Variants in SIRPG observed in about 807,000 individuals in gnomAD.
SIRPG encodes the protein signal-regulatory protein gamma.
SIRPG carries 38 observed loss-of-function variants against 35.7 expected under a neutral mutation model. The observed-to-expected ratio is 1.06, with a 90% CI of 0.82 to 1.40. The LOEUF is 1.40. SIRPG is among the 40% of genes most tolerant of loss of function. The pLI is 0.00. For synonymous variants in SIRPG, 215 were observed against 190.4 expected (o/e 1.13, Z -1.06); for missense variants, 519 against 483.0 (o/e 1.07, Z -0.70).
chr20:1,672,917 C>T, the SIRPG span, among the ~76,000 whole-genome samples: 4 of 152,116 alleles, frequency 2.6e-5, no homozygotes, highest in African/African-American at 7.2e-5. Flanking sequence ...TAGTTAACTA[C>T]AAGAAACACA....
intron 2 of SIRPG, chr20:1,646,545 C>T (rs2091898859): frequency 6.6e-6 from 1 of 152,266 alleles, no homozygotes; most frequent in Non-Finnish European, 1.5e-5. Flanking sequence ...TGAGACCTGT[C>T]TTTTAGAAAC....
intron 2 of SIRPG, among the ~76,000 whole-genome samples, chr20:1,642,936 G>T (rs1568730637): frequency 6.6e-6 from 1 of 152,042 alleles, no homozygotes. Flanking sequence ...GCTAATAGTT[G>T]TTCTGTTAGT....
At chr20:1,667,116 C>T in the SIRPG span, among the ~76,000 whole-genome samples, 16 of 152,280 alleles carry the variant, frequency 1.1e-4, no homozygotes, top group Non-Finnish European at 1.5e-4. Flanking sequence ...AGGCTGATCT[C>T]AAACTCTTGG....
At chr20:1,669,372 C>T in the SIRPG span, among the ~76,000 whole-genome samples, 125 of 152,246 alleles carry the variant, frequency 8.2e-4, 1 homozygote, top group Non-Finnish European at 1.6e-3. Flanking sequence ...GAAATTTGCA[C>T]GTAGTAAATG....
intron 2 of SIRPG, among the ~76,000 whole-genome samples, chr20:1,645,070 T>G (rs1050604849): frequency 6.6e-5 from 10 of 152,140 alleles, no homozygotes; most frequent in Non-Finnish European, 1.3e-4. Context: ...TTTCAATGCT[T>G]TTTTAGATAC....
the SIRPG span, among the ~76,000 whole-genome samples, chr20:1,673,312 C>T: frequency 6.6e-6 from 1 of 152,134 alleles, no homozygotes; most frequent in Non-Finnish European, 1.5e-5. Context: ...TTTTTAACCC[C>T]CCTCCATCCC....
At chr20:1,638,827 G>T (rs2091826372) in intron 2 of SIRPG, among the ~76,000 whole-genome samples, 1 of 140,368 alleles carries the variant, frequency 7.1e-6, no homozygotes, top group South Asian at 2.2e-4. Context: ...GCGTCCATGT[G>T]TTCACATTGT....
chr20:1,642,004 A>C (rs1008076308), intron 2 of SIRPG, among the ~76,000 whole-genome samples: 1 of 152,180 alleles, frequency 6.6e-6, no homozygotes, highest in Non-Finnish European at 1.5e-5. Context: ...GGAGTGTTTT[A>C]CTTCCAATTA....
upstream of SIRPG, among the ~76,000 whole-genome samples, chr20:1,659,053 C>T (rs2091988950): frequency 6.6e-6 from 1 of 152,166 alleles, no homozygotes; most frequent in South Asian, 2.1e-4. Flanking sequence ...CCTTGTAGAG[C>T]TATGGTAGGA....
chr20:1,660,308 G>C (rs1600231842), upstream of SIRPG, among the ~76,000 whole-genome samples: 1 of 152,104 alleles, frequency 6.6e-6, no homozygotes, highest in Admixed American at 6.5e-5. Context: ...GATTATGTAG[G>C]GGAAATTTCC....
At chr20:1,632,260 A>G (rs2091756801) in intron 4 of SIRPG, among the ~76,000 whole-genome samples, 1 of 152,216 alleles carries the variant, frequency 6.6e-6, no homozygotes, top group Non-Finnish European at 1.5e-5. Flanking sequence ...AAACAAAGTA[A>G]GTTCTGCACA....
intron 4 of SIRPG, among the ~76,000 whole-genome samples, chr20:1,634,483 A>C (rs1159201461): frequency 6.6e-6 from 1 of 151,076 alleles, no homozygotes; most frequent in African/African-American, 2.4e-5. Context: ...CTGGGATTAC[A>C]GGCGTGAGCC....
chr20:1,640,954 G>A (rs1267997036), intron 2 of SIRPG, among the ~76,000 whole-genome samples: 1 of 152,192 alleles, frequency 6.6e-6, no homozygotes, highest in Non-Finnish European at 1.5e-5. Context: ...TGCCAGGGAT[G>A]AAGCCAATTT....
rs757606654 is a variant in SIRPG, at chr20:1,635,361, G to T, written c.987C>A (p.Cys329Ter). The change falls in exon 4 of 6, where the codon TGC becomes TGA. Residue 329 changes from cysteine to a stop codon, truncating the protein, a stop_gained. Transcript: ENST00000303415. LOFTEE classifies it high-confidence loss of function. ...SDQRDDVVLT[C>*]QVKHDGQLAV... is the part of the protein sequence containing the mutation. ...CCAGCTGCCCATCATGCTTCACCTG[G>T]CAGGTGAGGACCACATCATCCCTTT... 93 of 1,614,030 alleles carry T rather than the reference G, an allele frequency of 5.8e-5. No homozygotes were observed. In the Admixed American group the frequency reaches 1.5e-3, roughly 26 times the overall value.
At chr20:1,682,257 G>A in the SIRPG span, among the ~76,000 whole-genome samples, 57 of 152,292 alleles carry the variant, frequency 3.7e-4, no homozygotes, top group African/African-American at 1.4e-3. Flanking sequence ...TATAGACTAA[G>A]AAATGGTTAG....
At chr20:1,646,575 C>A (rs1371632714) in intron 2 of SIRPG, 2 of 152,272 alleles carry the variant, frequency 1.3e-5, no homozygotes, top group Non-Finnish European at 2.9e-5. Flanking sequence ...ATATAGTGAA[C>A]CATCTGCAGA....
rs181274688 is a variant in SIRPG at position 1,631,672 on chromosome 20, C to T, written c.1082-1366G>A. The stretch of plus-strand genomic sequence containing the variant: ...ATAAATTTGAAGCCTGAATACTCAT[C>T]AGCTCGCAATGAGGACCTCAGGGCT... On this transcript the variant is annotated intron_variant, in intron 4 of 5. Transcript: ENST00000303415. Among the ~76,000 whole-genome samples, 139 of 152,310 alleles carry T rather than the reference C, an allele frequency of 9.1e-4. 1 individual carries two copies. In the Middle Eastern group the frequency reaches 0.01, roughly 11 times the overall value.
intron 2 of SIRPG, among the ~76,000 whole-genome samples, chr20:1,639,161 G>T (rs979530123): frequency 4.6e-5 from 7 of 151,972 alleles, no homozygotes; most frequent in African/African-American, 1.7e-4. Flanking sequence ...GGGTCAAATG[G>T]TATCTCTGGT....
chr20:1,642,322 A>G (rs1239274276), intron 2 of SIRPG, among the ~76,000 whole-genome samples: 2 of 152,160 alleles, frequency 1.3e-5, no homozygotes, highest in Admixed American at 6.5e-5. Flanking sequence ...CCATTAGGTA[A>G]TGCCCTTCTT....
Sources: gnomAD v4.1 joint callset for allele counts (sites outside exome capture counted in the v4.1 genomes callset) on GRCh38, gnomAD v4.1.1 for gene constraint, MANE v1.5 for transcripts, NCBI Gene and HGNC (gene_info 2026-07-23, HGNC 2026-07-21) for gene names.